Variants in TMEM117 observed in about 807,000 individuals in gnomAD.
The protein encoded by TMEM117 is transmembrane protein 117.
TMEM117 carries 27 observed loss-of-function variants against 52.4 expected under a neutral mutation model. The observed-to-expected ratio is 0.51, with a 90% CI of 0.38 to 0.71. The LOEUF (loss-of-function observed/expected upper bound fraction) is 0.71, where lower values mean the gene tolerates loss of function less well. TMEM117 is among the 30% of genes least tolerant of loss of function. TMEM117 has a pLI of 0.00. For synonymous variants in TMEM117, 215 were observed against 206.3 expected, an observed-to-expected ratio of 1.04 and a Z score of -0.36; for missense variants, 556 against 630.5, an observed-to-expected ratio of 0.88 and a Z score of 1.26.
chr12:43,863,861 C>A (rs1943533269), intron 2 of TMEM117, among the ~76,000 whole-genome samples: 1 of 152,208 alleles, frequency 6.6e-6, no homozygotes, highest in African/African-American at 2.4e-5. Flanking sequence ...CTGGCCGAGG[C>A]TGGAGCTGGC....
chr12:44,318,256 G>C (rs558587790), intron 6 of TMEM117: 2 of 152,438 alleles, frequency 1.3e-5, no homozygotes, highest in East Asian at 1.9e-4. Flanking sequence ...ATGCACAGGA[G>C]GGGTGGGAGA....
At chr12:44,008,380 T>C (rs776732411) in intron 3 of TMEM117, among the ~76,000 whole-genome samples, 5 of 152,196 alleles carry the variant, frequency 3.3e-5, no homozygotes, top group Non-Finnish European at 5.9e-5. Flanking sequence ...TATAGATAGA[T>C]AGGTAAAGAT....
intron 3 of TMEM117, among the ~76,000 whole-genome samples, chr12:44,014,411 C>T (rs1172771571): frequency 1.3e-5 from 2 of 152,110 alleles, no homozygotes; most frequent in Non-Finnish European, 1.5e-5. Flanking sequence ...CATAACCTAA[C>T]ATGAAGTGTC....
the TMEM117 span, among the ~76,000 whole-genome samples, chr12:44,399,016 C>T: frequency 6.6e-6 from 1 of 152,150 alleles, no homozygotes; most frequent in East Asian, 1.9e-4. Context: ...AATTATTCCA[C>T]ATTTGTATTA....
intron 5 of TMEM117, among the ~76,000 whole-genome samples, chr12:44,230,365 C>G (rs1328617555): frequency 6.6e-6 from 1 of 152,064 alleles, no homozygotes; most frequent in Non-Finnish European, 1.5e-5. Context: ...CCACCTCTCT[C>G]TCTCTGAAAT....
intron 6 of TMEM117, among the ~76,000 whole-genome samples, chr12:44,355,483 A>C (rs1046297556): frequency 3.3e-5 from 5 of 152,078 alleles, no homozygotes; most frequent in East Asian, 1.9e-4. Context: ...AGAGTCTTAG[A>C]GGATGGGCCT....
At chr12:44,380,869 T>A (rs1422267006) in intron 7 of TMEM117, among the ~76,000 whole-genome samples, 1 of 152,198 alleles carries the variant, frequency 6.6e-6, no homozygotes, top group Admixed American at 6.5e-5. Flanking sequence ...TGTTATCTGC[T>A]GTCCTGAGTC....
At chr12:43,982,188 A>G (rs76048441) in intron 3 of TMEM117, among the ~76,000 whole-genome samples, 1,594 of 152,320 alleles carry the variant, frequency 0.01, 25 homozygotes, top group East Asian at 0.036. Flanking sequence ...ATAAATAGGA[A>G]TGTGAGTTCA....
At chr12:44,231,777 C>T (rs1949936211) in intron 5 of TMEM117, among the ~76,000 whole-genome samples, 1 of 151,580 alleles carries the variant, frequency 6.6e-6, no homozygotes, top group Non-Finnish European at 1.5e-5. Context: ...CCCATGTTTC[C>T]ATTGGTTTAT....
chr12:44,337,311 T>A (rs1951354489), intron 6 of TMEM117, among the ~76,000 whole-genome samples: 1 of 151,984 alleles, frequency 6.6e-6, no homozygotes, highest in Non-Finnish European at 1.5e-5. Flanking sequence ...GAACTGACCC[T>A]CTTATAAGGG....
At chr12:43,836,351 AT>A (rs1451822513) in intron 1 of TMEM117, among the ~76,000 whole-genome samples, 155 bp downstream of exon 1, 3 of 152,168 alleles carry the variant, frequency 2.0e-5, no homozygotes, top group Non-Finnish European at 2.9e-5. Flanking sequence ...CGGCCCCCGA[AT>A]TCTCCGGCGC....
rs143346023 is a variant in TMEM117, at chr12:43,849,239, A to G, written c.277+4311A>G. Among the ~76,000 whole-genome samples the G allele has an allele frequency of 1.9e-3, 286 of 152,312 alleles. 3 individuals carry two copies. The highest frequency in any genetic ancestry group is 0.017 in the Admixed American group (261 of 15,306). ...AAAATGGATGGAGAGTGCTGGGGAGACAAAACAGTAGATACCTGTTACAAG... is the reference window on the plus strand; with the variant it reads ...AAAATGGATGGAGAGTGCTGGGGAGGCAAAACAGTAGATACCTGTTACAAG... On this transcript the variant is annotated intron_variant, in intron 2 of 7. Transcript: ENST00000266534.
At chr12:43,845,359 G>A (rs375944014) in intron 2 of TMEM117, among the ~76,000 whole-genome samples, 13 of 150,932 alleles carry the variant, frequency 8.6e-5, no homozygotes, top group East Asian at 5.9e-4. Flanking sequence ...TACTTGAGAG[G>A]CTGAGGTGGG....
chr12:43,806,196 T>G, the TMEM117 span: 4 of 1,529,864 alleles, frequency 2.6e-6, no homozygotes, highest in Non-Finnish European at 3.5e-6. Flanking sequence ...GCCCCTTCCC[T>G]GCGAGTCGCG....
At chr12:44,000,686 A>G (rs530296947) in intron 3 of TMEM117, among the ~76,000 whole-genome samples, 1 of 152,252 alleles carries the variant, frequency 6.6e-6, no homozygotes, top group African/African-American at 2.4e-5. Flanking sequence ...AAGGGCTAAG[A>G]GTGTTCAGAG....
At chr12:43,813,163 A>G in the TMEM117 span, among the ~76,000 whole-genome samples, 17 of 140,666 alleles carry the variant, frequency 1.2e-4, no homozygotes, top group Admixed American at 8.7e-4. Flanking sequence ...TCATAGTCAT[A>G]CTCCTACCAG....
chr12:44,374,698 C>G (rs1951916948), intron 6 of TMEM117, among the ~76,000 whole-genome samples: 2 of 151,292 alleles, frequency 1.3e-5, no homozygotes, highest in Admixed American at 6.6e-5. Context: ...CAAGAAATCT[C>G]TAGAGATTGC....
chr12:44,077,151 T>G (rs1340572785), intron 3 of TMEM117, among the ~76,000 whole-genome samples: 1 of 152,174 alleles, frequency 6.6e-6, no homozygotes, highest in Non-Finnish European at 1.5e-5. Context: ...TTTAATATTC[T>G]TAACCTGCTG....
intron 3 of TMEM117, among the ~76,000 whole-genome samples, chr12:44,094,061 T>C (rs1238076342): frequency 2.6e-5 from 4 of 152,132 alleles, no homozygotes; most frequent in African/African-American, 7.2e-5. Context: ...GTGTCCCTTA[T>C]GATGTATTAC....
Sources: allele counts gnomAD v4.1 joint callset (sites outside exome capture counted in the v4.1 genomes callset), GRCh38; gene constraint gnomAD v4.1.1; transcripts MANE v1.5; gene names NCBI Gene and HGNC (gene_info 2026-07-23, HGNC 2026-07-21).